The following MYOF variants were observed in gnomAD, a reference collection of about 807,000 sequenced individuals.
MYOF encodes fer-1-like 3, myoferlin.
MYOF carries 244 observed loss-of-function variants against 284.2 expected under a neutral mutation model. That is an observed-to-expected ratio of 0.86 (90% CI 0.77 to 0.95). MYOF has a LOEUF of 0.95. Ranked by LOEUF, MYOF falls within the 40% of genes least tolerant of loss-of-function variation. The probability of loss-of-function intolerance (pLI) is 0.00; values close to 1 mark genes in which losing one functional copy is unlikely to be tolerated. For missense variants in MYOF, 2,496 were observed against 2,560.6 expected, an observed-to-expected ratio of 0.97 and a Z score of 0.54; for synonymous variants, 904 against 919.7, an observed-to-expected ratio of 0.98 and a Z score of 0.31.
At chr10:93,415,200 C>T (rs1011874694) in intron 5 of MYOF, among the ~76,000 whole-genome samples, 4 of 152,106 alleles carry the variant, frequency 2.6e-5, no homozygotes, top group Non-Finnish European at 2.9e-5. Flanking sequence ...CCTAACACTG[C>T]AACCACCCCA....
chr10:93,428,566 AACACAC>A (rs58503520), intron 4 of MYOF, among the ~76,000 whole-genome samples: 18,637 of 143,702 alleles, frequency 0.13, 1,513 homozygotes, highest in African/African-American at 0.23. Context: ...ACATCTGGTA[AACACAC>A]ACACACACAC....
rs543549495 is a variant in MYOF at position 93,463,440 on chromosome 10, C to T, written c.89-6503G>A. The stretch of plus-strand genomic sequence containing the variant: ...TTTGAGAGGGAGTCTCACTCTGTCG[C>T]CCAGGATCTAGTGCAGTGGTGCAAT... On this transcript the variant is annotated intron_variant, in intron 1 of 53. Transcript: ENST00000359263. 8.9e-5 allele frequency among the ~76,000 whole-genome samples: 11 copies of T among 123,084 alleles called. No homozygotes were observed. In the East Asian group the frequency reaches 2.6e-3, roughly 29 times the overall value. The allele number at this position is 123,084 out of a possible 152,430, so 80.7% of individuals were successfully genotyped here. A position where few individuals can be genotyped will look rare whatever the true frequency, so the allele number is the denominator to read the frequency against.
intron 1 of MYOF, among the ~76,000 whole-genome samples, chr10:93,464,093 C>A (rs2056949542): frequency 6.6e-6 from 1 of 152,056 alleles, no homozygotes; most frequent in Admixed American, 6.6e-5. Flanking sequence ...GCAAAATTAC[C>A]CTCTATAATT....
intron 3 of MYOF, among the ~76,000 whole-genome samples, chr10:93,437,848 C>G (rs1484359602): frequency 6.6e-6 from 1 of 152,188 alleles, no homozygotes; most frequent in Non-Finnish European, 1.5e-5. Flanking sequence ...CTGCCCTGAT[C>G]CCCCGCCAAA....
intron 39 of MYOF, among the ~76,000 whole-genome samples, chr10:93,338,941 C>CA (rs958518441): frequency 4.1e-5 from 6 of 147,080 alleles, no homozygotes; most frequent in Non-Finnish European, 7.5e-5. Context: ...AAAAAACAAA[C>CA]AAAAAAACAC....
At chr10:93,312,208 C>T (rs1006359502) in intron 51 of MYOF, among the ~76,000 whole-genome samples, 2 of 152,200 alleles carry the variant, frequency 1.3e-5, no homozygotes, top group Non-Finnish European at 1.5e-5. Context: ...ACTAGGTAGT[C>T]TTTCGTGATA....
chr10:93,342,191 T>TGGGGC (rs772936130), intron 38 of MYOF, among the ~76,000 whole-genome samples: 15 of 152,142 alleles, frequency 9.9e-5, no homozygotes, highest in Non-Finnish European at 1.5e-4. Flanking sequence ...AGCAACAGCA[T>TGGGGC]AGTTATTTTT....
intron 19 of MYOF, among the ~76,000 whole-genome samples, chr10:93,381,645 T>C (rs1189987953): frequency 1.3e-5 from 2 of 152,226 alleles, no homozygotes; most frequent in Non-Finnish European, 2.9e-5. Flanking sequence ...AGTCTTTCAG[T>C]AGACCACTTG....
chr10:93,402,980 G>T (rs1181680530), intron 9 of MYOF, 90 bp from the exon 10 acceptor site: 8 of 1,132,332 alleles, frequency 7.1e-6, no homozygotes, highest in Non-Finnish European at 1.1e-5. Context: ...TAAATATCAT[G>T]TCTTGATTAC....
chr10:93,412,381 C>T (rs1341711938), intron 5 of MYOF, among the ~76,000 whole-genome samples: 1 of 152,134 alleles, frequency 6.6e-6, no homozygotes, highest in Non-Finnish European at 1.5e-5. Context: ...GAAGAGACTT[C>T]AAAAGAAGGG....
chr10:93,326,393 A>G (rs748596196), intron 45 of MYOF, among the ~76,000 whole-genome samples: 3 of 152,112 alleles, frequency 2.0e-5, no homozygotes, highest in Non-Finnish European at 4.4e-5. Flanking sequence ...AGGAGTCTCT[A>G]TGTGCCTTTT....
At position 93,426,114 on chromosome 10, in the gene MYOF, T is replaced by C. The variant is rs1848580214; in HGVS notation, c.390A>G (p.Pro130=). The C allele has an allele frequency of 4.5e-6, 7 of 1,561,686 alleles. No individual in the cohort carries two copies. Among genetic ancestry groups the C allele is most frequent in the Admixed American group, 1.9e-5 (1 of 52,756 alleles). The part of the protein sequence containing the change: ...LVIGYDPPSA[P]HPNDLSGPSV... ...TGGGCCCGCTCAGGTCATTTGGATG[T>C]GGAGCAGAAGGCGGATCATAGCCGA... Residue 130 remains proline (P), a synonymous_variant, in exon 5 of 54, where the codon CCA becomes CCG. Transcript: ENST00000359263.
In MYOF at chr10:93,459,918, TG is replaced by T. The variant is rs551234678; in HGVS notation, c.89-2982del. On this transcript the variant is annotated intron_variant, in intron 1 of 53. Coordinates refer to ENST00000359263, the MANE Select transcript of MYOF (RefSeq NM_013451.4). ...CTACCCTGCTCCCATAACCGGGGCT[TG>T]GGGGGGTGGAGAACTGAGTCTCAAA... is the stretch of plus-strand genomic sequence containing the variant. Among the ~76,000 whole-genome samples, 400 of 152,062 alleles carry T rather than the reference TG, an allele frequency of 2.6e-3. 3 individuals are homozygous for T. The highest frequency in any genetic ancestry group is 9.2e-3 in the African/African-American group (383 of 41,488).
At chr10:93,430,912 A>G (rs1848815641) in intron 4 of MYOF, among the ~76,000 whole-genome samples, 2 of 152,208 alleles carry the variant, frequency 1.3e-5, no homozygotes, top group Non-Finnish European at 2.9e-5. Context: ...AAAAATCTCA[A>G]AACCAGATTT....
chr10:93,306,903 T>C lies in MYOF; in HGVS notation c.*60A>G. 1 of 1,541,182 alleles carries C rather than the reference T, an allele frequency of 6.5e-7. No homozygotes were observed. The highest frequency in any genetic ancestry group is 2.2e-5 in the East Asian group (1 of 44,466). ...GACACAAAATCACACTGGATGTTGGTCTACAGAGGCAGGATTCTCTCATTG... is the reference window on the plus strand; with the variant it reads ...GACACAAAATCACACTGGATGTTGGCCTACAGAGGCAGGATTCTCTCATTG... On this transcript the variant is annotated 3_prime_UTR_variant, in exon 54 of 54. Coordinates refer to ENST00000359263, the MANE Select transcript of MYOF (RefSeq NM_013451.4).
At chr10:93,447,328 A>G (rs701872) in intron 3 of MYOF, among the ~76,000 whole-genome samples, 101,366 of 151,868 alleles carry the variant, frequency 0.67, 34,020 homozygotes, top group East Asian at 0.77. Flanking sequence ...GGGCATGACT[A>G]GTGTAAACTG....
intron 4 of MYOF, among the ~76,000 whole-genome samples, chr10:93,428,346 A>G (rs1301844132): frequency 6.7e-6 from 1 of 149,064 alleles, no homozygotes; most frequent in Non-Finnish European, 1.5e-5. Context: ...GATTACAAGC[A>G]CGTGCCACCA....
chr10:93,341,588 A>G (rs1170892842), intron 38 of MYOF, among the ~76,000 whole-genome samples: 1 of 152,184 alleles, frequency 6.6e-6, no homozygotes. Context: ...AAAAGGCATT[A>G]TTTAAGACAA....
chr10:93,388,472 C>G (rs1025343486), intron 18 of MYOF, among the ~76,000 whole-genome samples: 10 of 152,200 alleles, frequency 6.6e-5, no homozygotes, highest in African/African-American at 2.4e-4. Flanking sequence ...CCCAGCAGTG[C>G]TGGCAATAGA....
Sources: allele counts gnomAD v4.1 joint callset (sites outside exome capture counted in the v4.1 genomes callset), GRCh38; gene constraint gnomAD v4.1.1; transcripts MANE v1.5; gene names NCBI Gene and HGNC (gene_info 2026-07-23, HGNC 2026-07-21).